The following FBXL17 variants were observed in gnomAD, a reference collection of about 807,000 sequenced individuals.
FBXL17 encodes F-box/LRR-repeat protein 17.
A neutral mutation model predicts 66.2 loss-of-function variants in FBXL17; 22 were observed. The observed-to-expected ratio is 0.33, with a 90% CI of 0.24 to 0.47. The LOEUF (loss-of-function observed/expected upper bound fraction) is 0.47, where lower values mean the gene tolerates loss of function less well. Ranked by LOEUF, FBXL17 falls within the 20% of genes least tolerant of loss-of-function variation. The probability of loss-of-function intolerance (pLI) is 1.00; values close to 1 mark genes in which losing one functional copy is unlikely to be tolerated. For synonymous variants in FBXL17, 474 were observed against 400.5 expected, an observed-to-expected ratio of 1.18 and a Z score of -2.19; for missense variants, 878 against 948.2, an observed-to-expected ratio of 0.93 and a Z score of 0.97.
In FBXL17 at chr5:108,209,911, T is replaced by G. The variant is rs1754292300; in HGVS notation, c.1614+14210A>C. Among the ~76,000 whole-genome samples the G allele has an allele frequency of 2.0e-5, 3 of 152,298 alleles. No homozygotes were observed. The South Asian group carries it at 6.2e-4, about 32-fold the overall frequency. On this transcript the variant is annotated intron_variant, in intron 5 of 8. Transcript: ENST00000542267. ...TACCAGCTCCTCTTTGTACTTCTGG[T>G]AGAATGCTGCTGTGAATCCGTCTGG...
intron 7 of FBXL17, among the ~76,000 whole-genome samples, chr5:108,015,671 C>T (rs1323380830): frequency 2.6e-5 from 4 of 152,090 alleles, no homozygotes; most frequent in South Asian, 2.1e-4. Flanking sequence ...CGGGGTAACC[C>T]AGAATGCTTG....
chr5:107,874,050 G>A (rs1748539136), intron 8 of FBXL17, among the ~76,000 whole-genome samples: 1 of 152,134 alleles, frequency 6.6e-6, no homozygotes, highest in Non-Finnish European at 1.5e-5. Context: ...ATCTCAGCCT[G>A]GACATTGACT....
chr5:108,320,579 C>T (rs955435342), intron 4 of FBXL17, among the ~76,000 whole-genome samples: 14 of 151,850 alleles, frequency 9.2e-5, no homozygotes, highest in African/African-American at 3.4e-4. Context: ...CAAGTTAGGA[C>T]TTTAAATGTT....
chr5:107,946,255 TTATA>T (rs55643516), intron 7 of FBXL17, among the ~76,000 whole-genome samples: 451 of 40,120 alleles, frequency 0.011, 3 homozygotes, highest in African/African-American at 0.016. Flanking sequence ...CAATCTCATT[TTATA>T]TATATATATA....
chr5:108,157,537 C>CA (rs201556778), intron 6 of FBXL17, among the ~76,000 whole-genome samples: 1,709 of 150,654 alleles, frequency 0.011, 47 homozygotes, highest in African/African-American at 0.039. Flanking sequence ...GTTTTAGAAA[C>CA]AGTCTGTGAA....
chr5:107,937,246 G>A (rs1199255807), intron 7 of FBXL17, among the ~76,000 whole-genome samples: 1 of 152,132 alleles, frequency 6.6e-6, no homozygotes, highest in Non-Finnish European at 1.5e-5. Context: ...CATAAACAGG[G>A]TGAGATGCTC....
intron 6 of FBXL17, among the ~76,000 whole-genome samples, chr5:108,102,311 T>C (rs1017876123): frequency 6.6e-6 from 1 of 152,316 alleles, no homozygotes; most frequent in African/African-American, 2.4e-5. Context: ...ATATAACTTA[T>C]TACAAATTTT....
intron 6 of FBXL17, among the ~76,000 whole-genome samples, chr5:108,071,876 C>G (rs1421290703): frequency 6.6e-6 from 1 of 152,010 alleles, no homozygotes; most frequent in Non-Finnish European, 1.5e-5. Context: ...CACAAAATTT[C>G]TTAAATCAAA....
intron 7 of FBXL17, among the ~76,000 whole-genome samples, chr5:107,896,830 T>C (rs1288539554): frequency 7.1e-6 from 1 of 140,156 alleles, no homozygotes; most frequent in African/African-American, 2.7e-5. Flanking sequence ...TCATTGCAGC[T>C]AGGCCAGCAG....
At chr5:108,075,225 C>A (rs2149912918) in intron 6 of FBXL17, among the ~76,000 whole-genome samples, 1 of 151,950 alleles carries the variant, frequency 6.6e-6, no homozygotes, top group East Asian at 1.9e-4. Context: ...TAAAAGCTAC[C>A]TATCTAAATG....
intron 4 of FBXL17, among the ~76,000 whole-genome samples, chr5:108,343,800 T>C (rs1455839588): frequency 6.6e-6 from 1 of 152,056 alleles, no homozygotes; most frequent in Non-Finnish European, 1.5e-5. Flanking sequence ...GGCTAACAGG[T>C]AAAAACAGAC....
At chr5:108,174,477 T>G (rs148868642) in intron 6 of FBXL17, among the ~76,000 whole-genome samples, 2 of 152,240 alleles carry the variant, frequency 1.3e-5, no homozygotes, top group African/African-American at 4.8e-5. Context: ...TGATTTGCAG[T>G]AGGTATGCTT....
At chr5:108,004,687 G>A (rs1753858604) in intron 7 of FBXL17, among the ~76,000 whole-genome samples, 1 of 152,132 alleles carries the variant, frequency 6.6e-6, no homozygotes, top group African/African-American at 2.4e-5. Flanking sequence ...AATGAAAATG[G>A]AGGCTTCAGA....
intron 6 of FBXL17, among the ~76,000 whole-genome samples, chr5:108,069,841 C>T (rs1299318561): frequency 6.6e-6 from 1 of 152,188 alleles, no homozygotes; most frequent in Non-Finnish European, 1.5e-5. Context: ...TTCTATAGTG[C>T]TGATAACGGA....
chr5:107,975,275 A>G (rs934014948), intron 7 of FBXL17, among the ~76,000 whole-genome samples: 30 of 152,258 alleles, frequency 2.0e-4, no homozygotes, highest in African/African-American at 6.3e-4. Flanking sequence ...GGTGACACAA[A>G]TCTACCAATT....
intron 4 of FBXL17, among the ~76,000 whole-genome samples, chr5:108,319,540 TCA>T (rs1456317107): frequency 6.6e-6 from 1 of 151,830 alleles, no homozygotes; most frequent in African/African-American, 2.4e-5. Flanking sequence ...TATTTTCCTA[TCA>T]GTTAAAATAC....
At chr5:108,277,911 T>G (rs2150146069) in intron 4 of FBXL17, among the ~76,000 whole-genome samples, 1 of 152,356 alleles carries the variant, frequency 6.6e-6, no homozygotes, top group Middle Eastern at 3.4e-3. Context: ...TCTTTCAAGA[T>G]AGTTGACTAG....
intron 8 of FBXL17, among the ~76,000 whole-genome samples, chr5:107,868,524 C>T (rs946349628): frequency 4.6e-5 from 7 of 152,210 alleles, no homozygotes; most frequent in East Asian, 1.9e-4. Context: ...TCCGTGACTA[C>T]GCCAGAAAGG....
intron 7 of FBXL17, among the ~76,000 whole-genome samples, chr5:107,980,847 G>A (rs1296236395): frequency 1.3e-5 from 2 of 148,566 alleles, no homozygotes; most frequent in East Asian, 2.0e-4. Flanking sequence ...TAGTAAAGAC[G>A]GGGTTTCACC....
Sources: allele counts gnomAD v4.1 joint callset (sites outside exome capture counted in the v4.1 genomes callset), GRCh38; gene constraint gnomAD v4.1.1; transcripts MANE v1.5; gene names NCBI Gene and HGNC (gene_info 2026-07-23, HGNC 2026-07-21).